Variants in ARID4A observed in about 807,000 individuals in gnomAD.
The protein encoded by ARID4A is AT-rich interaction domain 4A.
A neutral mutation model predicts 148.6 loss-of-function variants in ARID4A; 39 were observed. The ratio of observed to expected loss-of-function variants is 0.26; its 90% CI spans 0.20 to 0.34. ARID4A has a LOEUF of 0.34. ARID4A is among the 10% of genes least tolerant of loss of function. ARID4A has a pLI of 1.00. For missense variants in ARID4A, 1,265 were observed against 1,449.1 expected (o/e 0.87, Z 2.06); for synonymous variants, 475 against 481.2 (o/e 0.99, Z 0.17).
At chr14:58,352,771 G>A (rs1280714003) in intron 16 of ARID4A, among the ~76,000 whole-genome samples, 2 of 152,058 alleles carry the variant, frequency 1.3e-5, no homozygotes, top group Non-Finnish European at 2.9e-5. Flanking sequence ...TAATGCTTGT[G>A]ACACTAGAAT....
At chr14:58,351,430 TC>T (rs759952463) in intron 16 of ARID4A, 107 bp downstream of exon 16, 34 of 1,403,502 alleles carry the variant, frequency 2.4e-5, no homozygotes, top group Non-Finnish European at 3.1e-5. Context: ...TATTGGGACT[TC>T]CGTTCCTCTT....
At chr14:58,343,336 A>G (rs774912659) in intron 11 of ARID4A, among the ~76,000 whole-genome samples, 135 of 152,250 alleles carry the variant, frequency 8.9e-4, no homozygotes, top group Admixed American at 3.7e-3. Flanking sequence ...AAATAATGTA[A>G]TAAAAGATCT....
At chr14:58,360,470 C>T (rs912017543) in intron 18 of ARID4A, among the ~76,000 whole-genome samples, 1 of 152,164 alleles carries the variant, frequency 6.6e-6, no homozygotes, top group Admixed American at 6.5e-5. Flanking sequence ...CCTCAGTTGT[C>T]AAGCTTTGCT....
intron 8 of ARID4A, among the ~76,000 whole-genome samples, chr14:58,324,015 C>T (rs2033073178): frequency 6.6e-6 from 1 of 151,002 alleles, no homozygotes; most frequent in African/African-American, 2.4e-5. Flanking sequence ...CGCCATTCTC[C>T]TGCCTCAGCC....
At position 58,365,028 on chromosome 14, in the gene ARID4A, T is replaced by C; in HGVS notation, c.2939T>C (p.Val980Ala). 6.2e-7 allele frequency: 1 copy of C among 1,614,144 alleles called. No homozygotes were observed. Residue 980 changes from valine (V) to alanine (A), a missense_variant, in exon 20 of 24, where the codon GTT (valine) becomes GCT (alanine). Physicochemically the swap from Val to Ala is moderately conservative, Grantham distance 64 (BLOSUM62 0). Transcript: ENST00000355431. ...AAGACCAGCATTGAGGATGTAGCAG[T>C]TGAAAGCTCTGAGTCTAACTCTCTT... Reference protein sequence around the residue: ...KDKTSIEDVAVESSESNSLVS... With the variant: ...KDKTSIEDVAAESSESNSLVS...
intron 16 of ARID4A, 37 bp downstream of exon 16, chr14:58,351,360 T>G: frequency 6.4e-7 from 1 of 1,570,758 alleles, no homozygotes; most frequent in Non-Finnish European, 8.6e-7. Flanking sequence ...GAAGCACCTG[T>G]CTGGGGTACA....
Position 58,373,057 on chromosome 14 carries a change from A to G in ARID4A, c.*1068A>G, listed in dbSNP as rs1457202424. On this transcript the variant is annotated 3_prime_UTR_variant, in exon 24 of 24. Transcript: ENST00000355431. ...TCAGTCCATCAAACAGTATAGAACT[A>G]TAAATGGGCATCTGGATCATTAAAG... 2 of 199,666 alleles carry G rather than the reference A, an allele frequency of 1.0e-5. No homozygotes were observed. Among genetic ancestry groups the G allele is most frequent in the East Asian group, 7.7e-5 (1 of 12,966 alleles). 12.4% of individuals were successfully genotyped at this position (199,666 alleles called of 1,614,324 possible). A position where few individuals can be genotyped will look rare whatever the true frequency, so the allele number is the denominator to read the frequency against.
chr14:58,346,312 T>A, intron 12 of ARID4A, 99 bp from the exon 13 acceptor site: 1 of 726,614 alleles, frequency 1.4e-6, no homozygotes, highest in Non-Finnish European at 2.3e-6. Flanking sequence ...GTGCCTCTAA[T>A]TAATGAAATT....
At chr14:58,309,736 TTATC>T (rs761685964) in intron 5 of ARID4A, among the ~76,000 whole-genome samples, 80 of 152,206 alleles carry the variant, frequency 5.3e-4, no homozygotes, top group Non-Finnish European at 1.1e-3. Flanking sequence ...CACAGATCAT[TTATC>T]AAGTTTAGCA....
At chr14:58,311,538 A>G (rs1407785066) in intron 5 of ARID4A, among the ~76,000 whole-genome samples, 1 of 152,162 alleles carries the variant, frequency 6.6e-6, no homozygotes, top group Non-Finnish European at 1.5e-5. Context: ...GAAGTTCCTC[A>G]AAAAATTAAA....
Position 58,365,114 on chromosome 14 carries a change from C to G in ARID4A, c.3025C>G (p.Leu1009Val). Residue 1009 changes from leucine to valine, a missense_variant, in exon 20 of 24, where the codon CTT becomes GTT. Leu to Val is a conservative substitution (Grantham distance 32). Coordinates refer to ENST00000355431, the MANE Select transcript of ARID4A (RefSeq NM_002892.4). ...ACATAACTTTTCAGTAGCTTCACCA[C>G]TTACTCTTAGTCAAGATGAGTCTCG... is the stretch of plus-strand genomic sequence containing the variant. ...VQHNFSVASP[L>V]TLSQDESRSV... 3 of 1,614,158 alleles carry G rather than the reference C, an allele frequency of 1.9e-6. No homozygotes were observed. Among genetic ancestry groups the G allele is most frequent in the Non-Finnish European group, 1.7e-6 (2 of 1,180,002 alleles).
Position 58,317,409 on chromosome 14 carries a change from C to T in ARID4A, c.275-1133C>T, listed in dbSNP as rs186199124. 3.6e-3 allele frequency among the ~76,000 whole-genome samples: 538 copies of T among 148,566 alleles called. 5 individuals carry two copies. Among genetic ancestry groups the T allele is most frequent in the Non-Finnish European group, 4.4e-3 (296 of 67,024 alleles). ...ACGCCATTCTCCCGCCTCAGCCTCC[C>T]GAGTAGCTGGGACTACAGGCGCCCG... is the stretch of plus-strand genomic sequence containing the variant. On this transcript the variant is annotated intron_variant, in intron 5 of 23. Transcript: ENST00000355431.
At chr14:58,371,164 T>A (rs2140282301) in intron 23 of ARID4A, among the ~76,000 whole-genome samples, 1 of 152,206 alleles carries the variant, frequency 6.6e-6, no homozygotes, top group Non-Finnish European at 1.5e-5. Flanking sequence ...GTGGCATGTC[T>A]TAGCTACTTG....
At chr14:58,326,185 C>G (rs530844020) in intron 8 of ARID4A, among the ~76,000 whole-genome samples, 1 of 152,236 alleles carries the variant, frequency 6.6e-6, no homozygotes, top group Admixed American at 6.5e-5. Flanking sequence ...TGCCTGTAAT[C>G]CCAGCACTTT....
At position 58,343,179 on chromosome 14, in the gene ARID4A, T is replaced by G. The variant is rs186039481; in HGVS notation, c.907-1516T>G. 1.8e-4 allele frequency among the ~76,000 whole-genome samples: 27 copies of G among 152,360 alleles called. No individual in the cohort carries two copies. The East Asian group carries it at 2.3e-3, about 13-fold the overall frequency. On this transcript the variant is annotated intron_variant, in intron 11 of 23. Transcript: ENST00000355431. ...GGGAAAAAACTGCCATCTCTTAATC[T>G]GAGCATTAAGTAATGACCTTCACTA...
At chr14:58,362,137 A>T (rs1232706685) in intron 19 of ARID4A, among the ~76,000 whole-genome samples, 1 of 152,196 alleles carries the variant, frequency 6.6e-6, no homozygotes, top group Non-Finnish European at 1.5e-5. Flanking sequence ...AATGCTGTTC[A>T]TCTGGGATCT....
chr14:58,314,442 T>G lies in ARID4A; in HGVS notation c.275-4100T>G, dbSNP rs577089997. On this transcript the variant is annotated intron_variant, in intron 5 of 23. Coordinates refer to ENST00000355431, the MANE Select transcript of ARID4A (RefSeq NM_002892.4). ...GTTGGTTTTATAAAAAACATAGAAATATAGAATCAGGGTCTCACTTTGTTG... is the reference window on the plus strand; with the variant it reads ...GTTGGTTTTATAAAAAACATAGAAAGATAGAATCAGGGTCTCACTTTGTTG... Among the ~76,000 whole-genome samples, 7 of 152,224 alleles carry G rather than the reference T, an allele frequency of 4.6e-5. No homozygotes were observed. The East Asian group carries it at 1.4e-3, about 29-fold the overall frequency.
chr14:58,306,523 T>G (rs1051826223), intron 5 of ARID4A, among the ~76,000 whole-genome samples: 7 of 152,328 alleles, frequency 4.6e-5, no homozygotes, highest in African/African-American at 1.7e-4. Context: ...CATGGTAGAT[T>G]CAAGAATAGG....
chr14:58,338,696 T>G (rs2033953347), intron 11 of ARID4A, among the ~76,000 whole-genome samples: 1 of 152,106 alleles, frequency 6.6e-6, no homozygotes, highest in Admixed American at 6.6e-5. Context: ...GACAGCATCA[T>G]AAAGAAATTT....
Sources: gnomAD v4.1 joint callset for allele counts (sites outside exome capture counted in the v4.1 genomes callset) on GRCh38, gnomAD v4.1.1 for gene constraint, MANE v1.5 for transcripts, NCBI Gene and HGNC (gene_info 2026-07-23, HGNC 2026-07-21) for gene names.